Variants in ANKS1B observed in about 807,000 individuals in gnomAD.
ANKS1B encodes ankyrin repeat and sterile alpha motif domain-containing protein 1B.
A neutral mutation model predicts 148.3 loss-of-function variants in ANKS1B; 36 were observed. The observed-to-expected ratio is 0.24, with a 90% confidence interval of 0.19 to 0.32. The LOEUF is 0.32. Among genes scored for constraint, ANKS1B ranks in the 10% least tolerant of loss-of-function variants. The pLI is 1.00. For missense variants in ANKS1B, 1,157 were observed against 1,542.6 expected, an observed-to-expected ratio of 0.75 and a Z score of 4.19; for synonymous variants, 542 against 560.8, an observed-to-expected ratio of 0.97 and a Z score of 0.47.
intron 9 of ANKS1B, among the ~76,000 whole-genome samples, chr12:99,542,896 G>T (rs2097139824): frequency 6.6e-6 from 1 of 152,026 alleles, no homozygotes; most frequent in South Asian, 2.1e-4. Context: ...TGGGGAAGAA[G>T]TATAGATAAA....
intron 12 of ANKS1B, among the ~76,000 whole-genome samples, chr12:99,291,391 T>G (rs777971317): frequency 6.6e-6 from 1 of 151,808 alleles, no homozygotes; most frequent in Admixed American, 6.6e-5. Flanking sequence ...AGAAAAAAAA[T>G]TTCCTAAAAT....
chr12:99,713,031 G>A (rs1263395245), intron 8 of ANKS1B, among the ~76,000 whole-genome samples: 1 of 152,128 alleles, frequency 6.6e-6, no homozygotes, highest in Non-Finnish European at 1.5e-5. Context: ...TTCAGTCCAA[G>A]CTGGCAGTGT....
chr12:99,154,590 C>A (rs1178012384), intron 14 of ANKS1B, 195 bp from the exon 15 acceptor site: 1 of 1,487,164 alleles, frequency 6.7e-7, no homozygotes, highest in Non-Finnish European at 8.9e-7. Context: ...GTTTGCCAGG[C>A]AGGCTGTGGA....
intron 19 of ANKS1B, among the ~76,000 whole-genome samples, chr12:98,822,463 T>C (rs1398493669): frequency 6.6e-6 from 1 of 152,190 alleles, no homozygotes; most frequent in African/African-American, 2.4e-5. Flanking sequence ...AATAACCTGC[T>C]GGGCCTCTTT....
chr12:99,980,362 A>C (rs978853488), intron 1 of ANKS1B, among the ~76,000 whole-genome samples: 5 of 152,026 alleles, frequency 3.3e-5, no homozygotes, highest in African/African-American at 2.4e-5. Context: ...AATAAAGCCC[A>C]ACCACAATTC....
intron 11 of ANKS1B, among the ~76,000 whole-genome samples, chr12:99,443,252 T>C (rs561546763): frequency 2.6e-5 from 4 of 151,752 alleles, no homozygotes; most frequent in East Asian, 1.9e-4. Flanking sequence ...ATAGAGAAGA[T>C]AGAGAAATAT....
At chr12:99,975,072 C>A (rs912567134) in intron 1 of ANKS1B, among the ~76,000 whole-genome samples, 11 of 152,026 alleles carry the variant, frequency 7.2e-5, no homozygotes, top group African/African-American at 2.4e-4. Flanking sequence ...AATCACTTGA[C>A]CCTGGGGGGC....
At chr12:99,683,811 A>T (rs982964330) in intron 8 of ANKS1B, among the ~76,000 whole-genome samples, 1 of 148,614 alleles carries the variant, frequency 6.7e-6, no homozygotes, top group African/African-American at 2.4e-5. Context: ...GGATGCAGGG[A>T]TGGTTCAACA....
At chr12:99,753,208 C>G (rs558976537) in intron 8 of ANKS1B, among the ~76,000 whole-genome samples, 1 of 151,922 alleles carries the variant, frequency 6.6e-6, no homozygotes, top group East Asian at 1.9e-4. Flanking sequence ...AAGGAGGTTT[C>G]TATATAAAGA....
chr12:99,136,114 G>C (rs1220763486), intron 15 of ANKS1B, among the ~76,000 whole-genome samples: 2 of 152,180 alleles, frequency 1.3e-5, no homozygotes, highest in African/African-American at 4.8e-5. Flanking sequence ...GATTAAACAA[G>C]ATTAAAAAAG....
intron 4 of ANKS1B, among the ~76,000 whole-genome samples, chr12:99,793,596 G>C (rs868143421): frequency 1.6e-4 from 25 of 152,128 alleles, no homozygotes; most frequent in Middle Eastern, 3.4e-3. Flanking sequence ...AATAAATGGT[G>C]CTGGTAAAAC....
chr12:99,321,171 C>G (rs1444375644), intron 12 of ANKS1B, among the ~76,000 whole-genome samples: 1 of 152,196 alleles, frequency 6.6e-6, no homozygotes, highest in Non-Finnish European at 1.5e-5. Flanking sequence ...CTTGAGGAGG[C>G]AGTCTGTCCT....
rs539235370 is a variant in ANKS1B, at chr12:99,465,134, T to C, written c.1439-21325A>G. 1.6e-4 allele frequency among the ~76,000 whole-genome samples: 25 copies of C among 152,304 alleles called. No homozygotes were observed. In the South Asian group the frequency reaches 3.1e-3, roughly 19 times the overall value. On this transcript the variant is annotated intron_variant, in intron 10 of 26. Coordinates refer to ENST00000683438, the MANE Select transcript of ANKS1B (RefSeq NM_001352186.2). ...CAAGCCAGAAGAGAGTGGGGGCCAA[T>C]ATTCAACATTCTTAAAGAAAAGAAT...
intron 10 of ANKS1B, among the ~76,000 whole-genome samples, chr12:99,465,982 T>C (rs2096102953): frequency 6.6e-6 from 1 of 151,162 alleles, no homozygotes; most frequent in African/African-American, 2.4e-5. Context: ...CAAATCAATA[T>C]ACATTTTTTT....
intron 12 of ANKS1B, among the ~76,000 whole-genome samples, chr12:99,384,879 A>G (rs1315261649): frequency 7.2e-5 from 11 of 152,106 alleles, no homozygotes; most frequent in African/African-American, 2.4e-4. Context: ...CCACTATTAT[A>G]TTATTTCCAG....
At chr12:98,928,432 A>G (rs2099810736) in intron 17 of ANKS1B, among the ~76,000 whole-genome samples, 1 of 152,030 alleles carries the variant, frequency 6.6e-6, no homozygotes. Flanking sequence ...AACTGATTCT[A>G]TGAGGCCAGT....
At chr12:99,926,032 T>C (rs1332262991) in intron 1 of ANKS1B, among the ~76,000 whole-genome samples, 1 of 152,242 alleles carries the variant, frequency 6.6e-6, no homozygotes, top group East Asian at 1.9e-4. Flanking sequence ...TAAGATTGGT[T>C]GCCTATATAT....
intron 10 of ANKS1B, among the ~76,000 whole-genome samples, chr12:99,492,243 G>A (rs895065792): frequency 1.3e-5 from 2 of 152,032 alleles, no homozygotes; most frequent in Non-Finnish European, 2.9e-5. Context: ...CCACAGAAAT[G>A]CAAATAACCA....
In ANKS1B at chr12:99,246,580, G is replaced by A; in HGVS notation, c.2041C>T (p.Leu681Phe). 6.2e-7 allele frequency: 1 copy of A among 1,613,668 alleles called. No homozygotes were observed. Among genetic ancestry groups the A allele is most frequent in the Non-Finnish European group, 8.5e-7 (1 of 1,179,746 alleles). Residue 681 changes from leucine (L) to phenylalanine (F), a missense_variant, in exon 13 of 27, where the codon CTC becomes TTC. Around this residue, in one of 6 missense-constraint regions of ANKS1B, gnomAD observed 661 missense variants for 642.1 expected, o/e 1.03. Coordinates refer to ENST00000683438, the MANE Select transcript of ANKS1B (RefSeq NM_001352186.2). ...RTIFHKKSNQ[L>F]ENHTIVGTRS... The stretch of plus-strand genomic sequence containing the variant: ...GTGCCAACAATGGTATGGTTTTCGA[G>A]TTGGTTGCTTTTTTTGTGAAAAATT...
Sources: allele counts gnomAD v4.1 joint callset (sites outside exome capture counted in the v4.1 genomes callset), GRCh38; gene constraint gnomAD v4.1.1; regional missense constraint gnomAD v4.1.1; transcripts MANE v1.5; gene names NCBI Gene and HGNC (gene_info 2026-07-23, HGNC 2026-07-21).